Variants in TAF6L observed in about 807,000 individuals in gnomAD.
The protein encoded by TAF6L is TATA-box binding protein associated factor 6 like, also known as TAF6-like RNA polymerase II p300/CBP-associated factor-associated factor 65 kDa subunit 6L.
Under a neutral mutation model 57.3 loss-of-function variants are expected in TAF6L, and 34 were observed. That is an observed-to-expected ratio of 0.59 (90% CI 0.45 to 0.79). TAF6L has a LOEUF of 0.79. TAF6L is among the 30% of genes least tolerant of loss of function. The pLI, the probability that TAF6L is intolerant of heterozygous loss-of-function variation, is 0.00. For missense variants in TAF6L, 782 were observed against 853.2 expected, an observed-to-expected ratio of 0.92 and a Z score of 1.04; for synonymous variants, 417 against 376.3, an observed-to-expected ratio of 1.11 and a Z score of -1.25.
At chr11:62,777,943 G>A (rs1183715967) in intron 3 of TAF6L, 35 bp from the exon 4 acceptor site, 1 of 1,610,172 alleles carries the variant, frequency 6.2e-7, no homozygotes, top group African/African-American at 1.3e-5. Flanking sequence ...TCCCTCCCTG[G>A]ATTCAGGCTG....
At chr11:62,778,680 A>T in intron 5 of TAF6L, 189 bp from the exon 6 acceptor site, 1 of 625,106 alleles carries the variant, frequency 1.6e-6, no homozygotes, top group East Asian at 2.7e-5. Context: ...AGGACAGAGC[A>T]CAGAGGTGTG....
chr11:62,772,805 CAAA>C (rs770586046), intron 1 of TAF6L, among the ~76,000 whole-genome samples: 2 of 109,686 alleles, frequency 1.8e-5, no homozygotes, highest in African/African-American at 3.1e-5. Flanking sequence ...ACATCATCTC[CAAA>C]AAAAAAAAAA....
At chr11:62,775,273 C>G (rs1590932710) in intron 1 of TAF6L, among the ~76,000 whole-genome samples, 1 of 152,156 alleles carries the variant, frequency 6.6e-6, no homozygotes, top group South Asian at 2.1e-4. Flanking sequence ...AACTCACTAT[C>G]AGGAGAACAG....
rs1347320079 is a variant in TAF6L at position 62,775,767 on chromosome 11, C to T, written c.-13-4C>T. 6.3e-7 allele frequency: 1 copy of T among 1,598,962 alleles called. No individual in the cohort carries two copies. Among genetic ancestry groups the T allele is most frequent in the Non-Finnish European group, 8.5e-7 (1 of 1,176,466 alleles). Reference sequence around the variant, plus strand: ...CTTTTCCAGTCTTCATTCTCCACTCCCAGCTCCACTGGGGCCATGTCAGAG... The same window carrying T: ...CTTTTCCAGTCTTCATTCTCCACTCTCAGCTCCACTGGGGCCATGTCAGAG... On this transcript the variant is annotated splice_region_variant and splice_polypyrimidine_tract_variant and intron_variant, in intron 1 of 10. Coordinates refer to ENST00000294168, the MANE Select transcript of TAF6L (RefSeq NM_006473.4).
In TAF6L at chr11:62,786,626, T is replaced by G. The variant is rs772395054; in HGVS notation, c.1199T>G (p.Leu400Arg). 1.7e-5 allele frequency: 27 copies of G among 1,601,844 alleles called. No homozygotes were observed. Among genetic ancestry groups the G allele is most frequent in the Non-Finnish European group, 2.2e-5 (26 of 1,173,864 alleles). Residue 400 changes from leucine (L) to arginine (R), a missense_variant, in exon 11 of 11, where the codon CTT (leucine) becomes CGT (arginine). Coordinates refer to ENST00000294168, the MANE Select transcript of TAF6L (RefSeq NM_006473.4). Reference sequence around the variant, plus strand: ...CTGGACGACCTGCCATGGGACAGCCTTCTCTTTCAAGAGTCGTCCTCCGGG... The same window carrying G: ...CTGGACGACCTGCCATGGGACAGCCGTCTCTTTCAAGAGTCGTCCTCCGGG... ...RRLDDLPWDS[L>R]LFQESSSGGG... is the part of the protein sequence containing the mutation.
At chr11:62,774,857 G>T (rs1374750087) in intron 1 of TAF6L, among the ~76,000 whole-genome samples, 1 of 146,636 alleles carries the variant, frequency 6.8e-6, no homozygotes, top group Non-Finnish European at 1.5e-5. Flanking sequence ...GCTGAGGCAG[G>T]AGAGTTGGGG....
intron 5 of TAF6L, chr11:62,778,574 T>A: frequency 1.6e-6 from 1 of 623,486 alleles, no homozygotes; most frequent in African/African-American, 1.8e-5. Context: ...CTGGGCAGCA[T>A]GCTGGGGCGG....
chr11:62,776,435 G>T lies in TAF6L; in HGVS notation c.199G>T (p.Asp67Tyr). The change falls in exon 3 of 11, where the codon GAC becomes TAC. Residue 67 changes from aspartate (D) to tyrosine (Y), a missense_variant. By Grantham distance (160) the Asp-to-Tyr change is radical. Transcript: ENST00000294168. Reference sequence around the variant, plus strand: ...CAAACGCCGGAAGCTGACGGTTGAGGACTTCAACAGGGCCCTCAGATGGAG... The same window carrying T: ...CAAACGCCGGAAGCTGACGGTTGAGTACTTCAACAGGGCCCTCAGATGGAG... ...HTKRRKLTVE[D>Y]FNRALRWSSV... 1 of 1,613,878 alleles carries T rather than the reference G, an allele frequency of 6.2e-7. No individual in the cohort carries two copies. The highest frequency in any genetic ancestry group is 8.5e-7 in the Non-Finnish European group (1 of 1,179,828).
chr11:62,785,418 T>C (rs954432090), intron 9 of TAF6L, among the ~76,000 whole-genome samples: 1 of 150,582 alleles, frequency 6.6e-6, no homozygotes, highest in African/African-American at 2.4e-5. Flanking sequence ...CGTCTCGAAC[T>C]CCTGACCTCC....
intron 5 of TAF6L, 29 bp downstream of exon 5, chr11:62,778,364 T>G: frequency 6.2e-7 from 1 of 1,613,848 alleles, no homozygotes; most frequent in South Asian, 1.1e-5. Context: ...AACAGGCTCT[T>G]TGGATGAATT....
At position 62,778,983 on chromosome 11, in the gene TAF6L, T is replaced by C; in HGVS notation, c.531+20T>C. 1.2e-6 allele frequency: 2 copies of C among 1,600,948 alleles called. No individual in the cohort carries two copies. Among genetic ancestry groups the C allele is most frequent in the Non-Finnish European group, 1.7e-6 (2 of 1,168,878 alleles). ...ATGAAGGTGAGCGAGTGGGCCCAAG[T>C]TGGGGCACAAAGTTGAAATTGTAAA... On this transcript the variant is annotated intron_variant, in intron 6 of 10. Coordinates refer to ENST00000294168, the MANE Select transcript of TAF6L (RefSeq NM_006473.4).
At chr11:62,771,649 C>G (rs913133057) in intron 1 of TAF6L, 159 bp downstream of exon 1, 2 of 176,440 alleles carry the variant, frequency 1.1e-5, no homozygotes, top group East Asian at 1.6e-4. Context: ...ACCCCCTCCC[C>G]GATCTGGGCT....
At chr11:62,782,597 T>G (rs1399839989) in intron 8 of TAF6L, 96 bp from the exon 9 acceptor site, 1 of 1,508,370 alleles carries the variant, frequency 6.6e-7, no homozygotes, top group Admixed American at 1.9e-5. Flanking sequence ...CACTCCCGAG[T>G]GTGCTGTACA....
At chr11:62,776,781 G>A (rs533873585) in intron 3 of TAF6L, among the ~76,000 whole-genome samples, 1 of 151,244 alleles carries the variant, frequency 6.6e-6, no homozygotes, top group East Asian at 1.9e-4. Context: ...AACCTAGCAG[G>A]CAGAGGTTGT....
At chr11:62,775,282 A>T (rs1324995139) in intron 1 of TAF6L, among the ~76,000 whole-genome samples, 1 of 152,162 alleles carries the variant, frequency 6.6e-6, no homozygotes, top group African/African-American at 2.4e-5. Context: ...TCAGGAGAAC[A>T]GCATGGGGGA....
chr11:62,778,201 G>A, intron 4 of TAF6L, 73 bp downstream of exon 4: 1 of 1,613,630 alleles, frequency 6.2e-7, no homozygotes, highest in Non-Finnish European at 8.5e-7. Flanking sequence ...GGGCTGGCTG[G>A]TGGAAGAGGC....
Position 62,786,843 on chromosome 11 carries a change from G to A in TAF6L, c.1416G>A (p.Lys472=), listed in dbSNP as rs746388465. ...APTAPRPPGD[K]KEPAAAPDSV... The stretch of plus-strand genomic sequence containing the variant: ...CGGCTCCGCGGCCGCCCGGGGACAA[G>A]AAGGAGCCGGCGGCAGCCCCGGACT... Residue 472 remains lysine, a synonymous_variant, in exon 11 of 11, where the codon AAG becomes AAA. Transcript: ENST00000294168. 3 of 1,598,936 alleles carry A rather than the reference G, an allele frequency of 1.9e-6. No homozygotes were observed. Among genetic ancestry groups the A allele is most frequent in the African/African-American group, 1.3e-5 (1 of 74,820 alleles).
chr11:62,772,024 T>G (rs1372244311), intron 1 of TAF6L: 3 of 450,782 alleles, frequency 6.7e-6, no homozygotes, highest in East Asian at 7.0e-5. Flanking sequence ...GAGTAAAGAT[T>G]AGGAGCAAGG....
chr11:62,779,019 GTT>G (rs373542247), intron 6 of TAF6L, 56 bp downstream of exon 6: 22,181 of 901,696 alleles, frequency 0.025, no homozygotes, highest in East Asian at 0.03. Context: ...TTCTAGACCT[GTT>G]TTTTTTTTTT....
Sources: allele counts gnomAD v4.1 joint callset (sites outside exome capture counted in the v4.1 genomes callset), GRCh38; gene constraint gnomAD v4.1.1; transcripts MANE v1.5; gene names NCBI Gene and HGNC (gene_info 2026-07-23, HGNC 2026-07-21).